TFB1M: variants seen among roughly 807,000 people sequenced by gnomAD.
TFB1M encodes transcription factor B1, mitochondrial.
A neutral mutation model predicts 31.1 loss-of-function variants in TFB1M; 27 were observed. That is an observed-to-expected ratio of 0.87 (90% CI 0.64 to 1.20). The LOEUF is 1.20. TFB1M is among the 50% of genes most tolerant of loss of function. The pLI is 0.00. For synonymous variants in TFB1M, 166 were observed against 151.8 expected (o/e 1.09, Z -0.69); for missense variants, 394 against 418.7 (o/e 0.94, Z 0.51).
chr6:155,255,191 G>T (rs1457706374), downstream of TFB1M: 3 of 152,350 alleles, frequency 2.0e-5, no homozygotes, highest in Non-Finnish European at 4.4e-5. Context: ...CTAAGCCGCA[G>T]TGGTTAGTAG....
rs918796286 is a variant in TFB1M, at chr6:155,311,340, C to G, written c.134-1G>C. On this transcript the variant is annotated splice_acceptor_variant, in intron 1 of 6. Coordinates refer to ENST00000367166, the MANE Select transcript of TFB1M (RefSeq NM_016020.4). LOFTEE classifies it high-confidence loss of function. ...TTGCCAGCTTTCCTTACAATCTTAT[C>G]TAGAGGAAAAAGAGTTTTAGTTATC... is the stretch of plus-strand genomic sequence containing the variant. The G allele has an allele frequency of 3.7e-6, 6 of 1,613,348 alleles. No individual in the cohort carries two copies. The highest frequency in any genetic ancestry group is 5.1e-6 in the Non-Finnish European group (6 of 1,179,470).
intron 5 of TFB1M, among the ~76,000 whole-genome samples, chr6:155,268,005 CAAAA>C (rs1331634260): frequency 2.3e-4 from 35 of 152,300 alleles, no homozygotes; most frequent in East Asian, 1.7e-3. Context: ...AATTTGTTTT[CAAAA>C]TGTAGACAGG....
chr6:155,262,161 G>C (rs1480902110), intron 5 of TFB1M, among the ~76,000 whole-genome samples: 1 of 152,092 alleles, frequency 6.6e-6, no homozygotes, highest in East Asian at 1.9e-4. Flanking sequence ...GGGTGTAGGT[G>C]GGGTAGATGT....
chr6:155,285,273 A>G lies in TFB1M; in HGVS notation c.551T>C (p.Leu184Pro), dbSNP rs1426848681. The G allele has an allele frequency of 6.2e-7, 1 of 1,613,938 alleles. No homozygotes were observed. Among genetic ancestry groups the G allele is most frequent in the Non-Finnish European group, 8.5e-7 (1 of 1,179,838 alleles). ...LTFQKEVAERLAANTGSKQRS... is the reference protein window; with the variant it reads ...LTFQKEVAERPAANTGSKQRS... Reference sequence around the variant, plus strand: ...CTGTTTGCTTCCTGTATTGGCTGCAAGTCTCTAGAGAGAGACAAAAATGAA... The same window carrying G: ...CTGTTTGCTTCCTGTATTGGCTGCAGGTCTCTAGAGAGAGACAAAAATGAA... Residue 184 changes from leucine (L) to proline (P), a missense_variant, in exon 5 of 7, where the codon CTT (leucine) becomes CCT (proline). By Grantham distance (98) the Leu-to-Pro change is moderately conservative (BLOSUM62 -3). Coordinates refer to ENST00000367166, the MANE Select transcript of TFB1M (RefSeq NM_016020.4).
At chr6:155,273,094 G>T (rs1036591785) in intron 5 of TFB1M, among the ~76,000 whole-genome samples, 1 of 152,210 alleles carries the variant, frequency 6.6e-6, no homozygotes, top group Non-Finnish European at 1.5e-5. Flanking sequence ...AATTTAGCAA[G>T]CTGGCTGGAG....
At chr6:155,247,912 T>C in the TFB1M span, 2 of 1,456,694 alleles carry the variant, frequency 1.4e-6, no homozygotes, top group Non-Finnish European at 9.3e-7. Flanking sequence ...ACTATAGAAA[T>C]AGATGATCTA....
chr6:155,248,597 C>T, the TFB1M span, among the ~76,000 whole-genome samples: 1 of 152,230 alleles, frequency 6.6e-6, no homozygotes, highest in Non-Finnish European at 1.5e-5. Context: ...TTGGGTGAGG[C>T]TCCACCTTGT....
At chr6:155,278,251 C>T (rs6910760) in intron 5 of TFB1M, among the ~76,000 whole-genome samples, 44,662 of 152,126 alleles carry the variant, frequency 0.29, 7,289 homozygotes, top group East Asian at 0.65. Flanking sequence ...CCTGTAAACT[C>T]AATCCTGACA....
chr6:155,265,444 T>C (rs1421899884), intron 5 of TFB1M, among the ~76,000 whole-genome samples: 1 of 152,112 alleles, frequency 6.6e-6, no homozygotes, highest in African/African-American at 2.4e-5. Flanking sequence ...ACACTGAAGA[T>C]GCTTGGTCAG....
At chr6:155,250,128 T>A in the TFB1M span, among the ~76,000 whole-genome samples, 1 of 152,172 alleles carries the variant, frequency 6.6e-6, no homozygotes, top group Admixed American at 6.5e-5. Context: ...AATTTACATA[T>A]AGACATATCA....
At chr6:155,275,976 T>C in intron 5 of TFB1M, 1 of 1,614,220 alleles carries the variant, frequency 6.2e-7, no homozygotes, top group Non-Finnish European at 8.5e-7. Flanking sequence ...ACCATGGTCC[T>C]GGCGTGTGTT....
chr6:155,276,475 A>G, intron 5 of TFB1M: 1 of 1,115,128 alleles, frequency 9.0e-7, no homozygotes, highest in Non-Finnish European at 1.3e-6. Flanking sequence ...TTCCCTACAA[A>G]GAAAGTAGAA....
intron 5 of TFB1M, among the ~76,000 whole-genome samples, chr6:155,269,330 T>TTTA (rs1784819834): frequency 6.8e-6 from 1 of 147,794 alleles, no homozygotes; most frequent in Non-Finnish European, 1.5e-5. Context: ...TTTTCTTTTT[T>TTTA]TTTTTTTTTG....
In TFB1M at chr6:155,257,475, G is replaced by A; in HGVS notation, c.*361C>T. On this transcript the variant is annotated 3_prime_UTR_variant, in exon 7 of 7. Transcript: ENST00000367166. ...AAAGGGCCATTTTTTAAAATCCTCT[G>A]GGCATTTTCTTTCAGCTGTTTGTTA... is the stretch of plus-strand genomic sequence containing the variant. 3.1e-6 allele frequency: 1 copy of A among 327,694 alleles called. No individual in the cohort carries two copies. Among genetic ancestry groups the A allele is most frequent in the Non-Finnish European group, 5.6e-6 (1 of 178,872 alleles). 20.3% of individuals were successfully genotyped at this position (327,694 alleles called of 1,614,324 possible).
In TFB1M at chr6:155,305,147, TATAA is replaced by T. The variant is rs1414701550; in HGVS notation, c.285+6037_285+6040del. Among the ~76,000 whole-genome samples the T allele has an allele frequency of 1.8e-5, 2 of 113,192 alleles. 1 individual carries two copies. Among genetic ancestry groups the T allele is most frequent in the African/African-American group, 6.8e-5 (2 of 29,226 alleles). 74.3% of individuals were successfully genotyped at this position (113,192 alleles called of 152,430 possible). On this transcript the variant is annotated intron_variant, in intron 2 of 6. Coordinates refer to ENST00000367166, the MANE Select transcript of TFB1M (RefSeq NM_016020.4). The stretch of plus-strand genomic sequence containing the variant: ...ATATACATAATTATATATTTATATA[TATAA>T]ATATATATTAAATTATATATTTATA...
intron 5 of TFB1M, chr6:155,276,228 C>T: frequency 6.2e-7 from 1 of 1,614,140 alleles, no homozygotes; most frequent in Non-Finnish European, 8.5e-7. Context: ...GGATTCATTT[C>T]TGCAATGCTG....
the TFB1M span, chr6:155,244,785 T>G: frequency 6.2e-7 from 1 of 1,604,008 alleles, no homozygotes; most frequent in Admixed American, 1.7e-5. Context: ...CAGTTTAGAG[T>G]AAGTATCTCA....
At chr6:155,305,711 AATTATATATTTAT>A (rs1169836238) in intron 2 of TFB1M, among the ~76,000 whole-genome samples, 56 of 60,752 alleles carry the variant, frequency 9.2e-4, no homozygotes, top group Middle Eastern at 0.01. Context: ...ATATATATTA[AATTATATATTTAT>A]ATATATATTA....
At chr6:155,248,314 G>T in the TFB1M span, 1 of 1,022,994 alleles carries the variant, frequency 9.8e-7, no homozygotes, top group African/African-American at 1.6e-5. Flanking sequence ...TTCTGCGATG[G>T]TTAATCTTAG....
Sources: allele counts gnomAD v4.1 joint callset (sites outside exome capture counted in the v4.1 genomes callset), GRCh38; gene constraint gnomAD v4.1.1; transcripts MANE v1.5; gene names NCBI Gene and HGNC (gene_info 2026-07-23, HGNC 2026-07-21).